The following CREBBP variants were observed in gnomAD, a reference collection of about 807,000 sequenced individuals.
CREBBP encodes the protein CREB binding lysine acetyltransferase.
In CREBBP, 19 loss-of-function variants were observed where a neutral mutation model predicts 265.0. That is an observed-to-expected ratio of 0.07 (90% CI 0.05 to 0.11). CREBBP has a LOEUF of 0.11. Among genes scored for constraint, CREBBP ranks in the 10% least tolerant of loss-of-function variants. CREBBP has a pLI of 1.00. For missense variants in CREBBP, 2,525 were observed against 3,219.0 expected (o/e 0.78, Z 5.22); for synonymous variants, 1,457 against 1,223.7 (o/e 1.19, Z -3.98).
chr16:3,876,407 A>AC (rs2055402376), intron 1 of CREBBP, among the ~76,000 whole-genome samples: 1 of 144,898 alleles, frequency 6.9e-6, no homozygotes, highest in African/African-American at 2.7e-5. Flanking sequence ...ACCAAAAAAA[A>AC]AAAAAAAAAA....
At chr16:3,866,285 A>T (rs2055177721) in intron 1 of CREBBP, among the ~76,000 whole-genome samples, 1 of 152,238 alleles carries the variant, frequency 6.6e-6, no homozygotes, top group Admixed American at 6.5e-5. Context: ...GTTGGCTGTC[A>T]TGTCTTGTGG....
At chr16:3,779,516 G>A (rs1354341004) in intron 8 of CREBBP, among the ~76,000 whole-genome samples, 1 of 152,152 alleles carries the variant, frequency 6.6e-6, no homozygotes, top group Admixed American at 6.5e-5. Flanking sequence ...TACAAAATCA[G>A]GATCATGTAT....
intron 3 of CREBBP, among the ~76,000 whole-genome samples, chr16:3,796,248 A>C (rs2053605935): frequency 6.6e-6 from 1 of 152,144 alleles, no homozygotes; most frequent in Non-Finnish European, 1.5e-5. Flanking sequence ...GGGACTTAAA[A>C]ATATTCTTTT....
At chr16:3,749,524 C>T (rs374525993) in intron 21 of CREBBP, 103 bp downstream of exon 21, 4 of 762,276 alleles carry the variant, frequency 5.2e-6, no homozygotes, top group Admixed American at 2.4e-5. Context: ...CCACTTACGG[C>T]AACATATTTC....
chr16:3,829,884 T>C (rs1038167717), intron 2 of CREBBP, among the ~76,000 whole-genome samples: 1 of 151,842 alleles, frequency 6.6e-6, no homozygotes, highest in Non-Finnish European at 1.5e-5. Context: ...GACAGAGATG[T>C]TGGAATTTGC....
intron 26 of CREBBP, among the ~76,000 whole-genome samples, chr16:3,737,455 C>CT (rs111941103): frequency 0.057 from 8,165 of 142,500 alleles, 704 homozygotes; most frequent in African/African-American, 0.19. Flanking sequence ...TTTCTTTTTT[C>CT]TTTTTTTTTT....
At chr16:3,783,403 G>T (rs1408466158) in intron 5 of CREBBP, among the ~76,000 whole-genome samples, 1 of 152,238 alleles carries the variant, frequency 6.6e-6, no homozygotes, top group Non-Finnish European at 1.5e-5. Flanking sequence ...AAGGAGCAGA[G>T]ATGATACCTG....
chr16:3,847,152 T>A (rs1360839142), intron 2 of CREBBP, among the ~76,000 whole-genome samples: 2 of 152,082 alleles, frequency 1.3e-5, no homozygotes, highest in Non-Finnish European at 2.9e-5. Flanking sequence ...GAAAAAAAAA[T>A]CTCTGTGCAG....
intron 1 of CREBBP, among the ~76,000 whole-genome samples, chr16:3,863,584 A>G (rs1213195932): frequency 6.6e-6 from 1 of 152,198 alleles, no homozygotes; most frequent in East Asian, 1.9e-4. Flanking sequence ...CCTGGGTGAC[A>G]GAGCAAGATT....
intron 2 of CREBBP, among the ~76,000 whole-genome samples, chr16:3,833,371 C>G (rs1017254089): frequency 6.6e-6 from 1 of 152,166 alleles, no homozygotes; most frequent in Non-Finnish European, 1.5e-5. Flanking sequence ...GAGATAGCAC[C>G]ACTGCACTTC....
Position 3,876,088 on chromosome 16 carries a change from G to C in CREBBP, c.85+3744C>G, listed in dbSNP as rs1011713963. The stretch of plus-strand genomic sequence containing the variant: ...GGGTCTCACTCTGTCACCCAGGCCA[G>C]AGTGCAGTGGCATGATCACAGCTCA... On this transcript the variant is annotated intron_variant, in intron 1 of 30. Coordinates refer to ENST00000262367, the MANE Select transcript of CREBBP (RefSeq NM_004380.3). Among the ~76,000 whole-genome samples, 4 of 152,020 alleles carry C rather than the reference G, an allele frequency of 2.6e-5. No individual in the cohort carries two copies. The East Asian group carries it at 5.8e-4, about 22-fold the overall frequency.
chr16:3,820,198 T>C (rs2054114836), intron 2 of CREBBP, among the ~76,000 whole-genome samples: 3 of 152,326 alleles, frequency 2.0e-5, no homozygotes, highest in South Asian at 2.1e-4. Context: ...CAACCTACCA[T>C]TGTTGGAAGA....
chr16:3,839,282 C>A (rs1052274236), intron 2 of CREBBP, among the ~76,000 whole-genome samples: 6 of 152,236 alleles, frequency 3.9e-5, no homozygotes, highest in Non-Finnish European at 8.8e-5. Context: ...GCAGTCTGAG[C>A]TGCCGCTATT....
rs569211363 is a variant in CREBBP at position 3,731,012 on chromosome 16, G to A, written c.5172+180C>T. ...AGGCCTGTGGCTGTGGCTACACAGA[G>A]CAGGTTTAGGAAACACACACACAGC... On this transcript the variant is annotated intron_variant, in intron 30 of 30. Coordinates refer to ENST00000262367, the MANE Select transcript of CREBBP (RefSeq NM_004380.3). This position sits in a 1 kb window ranked among gnomAD's most constrained non-coding sequence, Gnocchi z 7.7. Among the ~76,000 whole-genome samples, 1 of 152,356 alleles carries A rather than the reference G, an allele frequency of 6.6e-6. No individual in the cohort carries two copies. The highest frequency in any genetic ancestry group is 2.1e-4 in the South Asian group (1 of 4,832).
intron 3 of CREBBP, among the ~76,000 whole-genome samples, chr16:3,795,548 A>G (rs1008665282): frequency 6.6e-6 from 1 of 152,178 alleles, no homozygotes. Flanking sequence ...ACAGCATGTT[A>G]CTCTTTTAAC....
chr16:3,857,495 G>A (rs2054987510), intron 1 of CREBBP, among the ~76,000 whole-genome samples: 1 of 152,188 alleles, frequency 6.6e-6, no homozygotes, highest in African/African-American at 2.4e-5. Context: ...AGTGAAGGAG[G>A]CAGGCCAGGA....
intron 1 of CREBBP, among the ~76,000 whole-genome samples, chr16:3,877,612 C>T (rs1235340056): frequency 6.6e-6 from 1 of 152,210 alleles, no homozygotes; most frequent in Non-Finnish European, 1.5e-5. Context: ...CCATGTTGGC[C>T]AGGCTGGTCT....
Position 3,780,796 on chromosome 16 carries a change from C to T in CREBBP, c.1759G>A (p.Gly587Ser), listed in dbSNP as rs764599337. 23 of 1,613,886 alleles carry T rather than the reference C, an allele frequency of 1.4e-5. No homozygotes were observed. The highest frequency in any genetic ancestry group is 4.0e-5 in the African/African-American group (3 of 74,894). The change falls in exon 8 of 31, where the codon GGT becomes AGT. Residue 587 changes from glycine (G) to serine (S), a missense_variant. Transcript: ENST00000262367. ...TGTTCGTGCCAGCCTTTCCTTACACCGGTGCTAGAAGGAGGAGCTGCTGTT... is the reference window on the plus strand; with the variant it reads ...TGTTCGTGCCAGCCTTTCCTTACACTGGTGCTAGAAGGAGGAGCTGCTGTT... Reference protein sequence around the residue: ...IPTAAPPSSTGVRKGWHEHVT... With the variant: ...IPTAAPPSSTSVRKGWHEHVT...
intron 26 of CREBBP, 97 bp from the exon 27 acceptor site, chr16:3,736,912 C>A: frequency 1.4e-6 from 2 of 1,406,302 alleles, no homozygotes; most frequent in Non-Finnish European, 2.0e-6. Flanking sequence ...AAAGCCAGGA[C>A]AGAAGTAACC....
Sources: allele counts gnomAD v4.1 joint callset (sites outside exome capture counted in the v4.1 genomes callset), GRCh38; gene constraint gnomAD v4.1.1; non-coding constraint Gnocchi (gnomAD v3.1); transcripts MANE v1.5; gene names NCBI Gene and HGNC (gene_info 2026-07-23, HGNC 2026-07-21).